Variants in PPP1R12A observed in about 807,000 individuals in gnomAD.
The protein encoded by PPP1R12A is myosin binding subunit.
A neutral mutation model predicts 139.6 loss-of-function variants in PPP1R12A; 19 were observed. The ratio of observed to expected loss-of-function variants is 0.14; its 90% CI spans 0.09 to 0.20. The LOEUF (loss-of-function observed/expected upper bound fraction) is 0.20, where lower values mean the gene tolerates loss of function less well. Ranked by LOEUF, PPP1R12A falls within the 10% of genes least tolerant of loss-of-function variation. The pLI, the probability that PPP1R12A is intolerant of heterozygous loss-of-function variation, is 1.00. For synonymous variants in PPP1R12A, 427 were observed against 420.6 expected, an observed-to-expected ratio of 1.02 and a Z score of -0.19; for missense variants, 925 against 1,211.5, an observed-to-expected ratio of 0.76 and a Z score of 3.51.
chr12:79,907,083 C>T (rs1886192091), intron 1 of PPP1R12A, among the ~76,000 whole-genome samples: 1 of 152,138 alleles, frequency 6.6e-6, no homozygotes, highest in South Asian at 2.1e-4. Context: ...TCTATCTCCC[C>T]TCACTCAAAA....
At chr12:79,860,125 A>G (rs1881152535) in intron 2 of PPP1R12A, among the ~76,000 whole-genome samples, 1 of 152,240 alleles carries the variant, frequency 6.6e-6, no homozygotes, top group Non-Finnish European at 1.5e-5. Flanking sequence ...GCTATTCAAG[A>G]TAAAAGCATG....
At chr12:79,794,056 G>A (rs1361736566) in intron 18 of PPP1R12A, 128 bp from the exon 19 acceptor site, 3 of 644,906 alleles carry the variant, frequency 4.7e-6, no homozygotes, top group Admixed American at 3.5e-5. Context: ...GATAGAATGA[G>A]ATGTCTAGGA....
chr12:79,805,529 AC>A, intron 14 of PPP1R12A, 62 bp downstream of exon 14: 1 of 1,498,412 alleles, frequency 6.7e-7, no homozygotes, highest in East Asian at 2.3e-5. Context: ...CTTTTTTAAA[AC>A]AAAAAACAAC....
At chr12:79,783,214 T>C (rs1228012292) in intron 22 of PPP1R12A, among the ~76,000 whole-genome samples, 3 of 151,316 alleles carry the variant, frequency 2.0e-5, no homozygotes, top group African/African-American at 7.3e-5. Context: ...TTCTAACACT[T>C]TGTGAGGCTG....
chr12:79,900,338 T>C (rs1335490118), intron 1 of PPP1R12A, among the ~76,000 whole-genome samples: 1 of 152,154 alleles, frequency 6.6e-6, no homozygotes, highest in Non-Finnish European at 1.5e-5. Flanking sequence ...TATAGAAACA[T>C]ACAGAGGCAG....
chr12:79,909,564 GTCT>G (rs1592814019), intron 1 of PPP1R12A, among the ~76,000 whole-genome samples: 1 of 151,914 alleles, frequency 6.6e-6, no homozygotes, highest in East Asian at 1.9e-4. Context: ...GTGAAACCCC[GTCT>G]CTACTAAAAA....
At chr12:79,890,769 T>C (rs552162496) in intron 1 of PPP1R12A, among the ~76,000 whole-genome samples, 13 of 152,150 alleles carry the variant, frequency 8.5e-5, no homozygotes, top group Admixed American at 1.3e-4. Flanking sequence ...AATAAACTCA[T>C]AGGCCATCAG....
intron 2 of PPP1R12A, among the ~76,000 whole-genome samples, chr12:79,850,893 A>G (rs972963513): frequency 6.6e-6 from 1 of 152,160 alleles, no homozygotes; most frequent in Non-Finnish European, 1.5e-5. Context: ...GCCTTCTGCC[A>G]TAATTCTAAG....
chr12:79,886,347 T>C (rs961466887), intron 1 of PPP1R12A, among the ~76,000 whole-genome samples: 5 of 152,186 alleles, frequency 3.3e-5, no homozygotes, highest in Admixed American at 3.3e-4. Context: ...GCCGTCTATA[T>C]TTAGTTATGA....
intron 1 of PPP1R12A, among the ~76,000 whole-genome samples, chr12:79,906,091 CA>C (rs1356747933): frequency 6.6e-5 from 10 of 151,804 alleles, no homozygotes; most frequent in African/African-American, 2.2e-4. Flanking sequence ...ATATTAGCAC[CA>C]AAGCAAGCAT....
Position 79,790,446 on chromosome 12 carries a change from TA to T in PPP1R12A, c.2666+20del. On this transcript the variant is annotated intron_variant, in intron 20 of 24. Coordinates refer to ENST00000450142, the MANE Select transcript of PPP1R12A (RefSeq NM_002480.3). ...ATAAAAATAAGAAAAAAATGTCAGT[TA>T]AAAAATAAATAAAACATACCTAGAA... The T allele has an allele frequency of 7.7e-7, 1 of 1,300,280 alleles. No individual in the cohort carries two copies. Among genetic ancestry groups the T allele is most frequent in the Non-Finnish European group, 1.0e-6 (1 of 963,604 alleles). The allele number at this position is 1,300,280 out of a possible 1,614,324, so 80.5% of individuals were successfully genotyped here. A position where few individuals can be genotyped will look rare whatever the true frequency, so the allele number is the denominator to read the frequency against.
intron 2 of PPP1R12A, among the ~76,000 whole-genome samples, chr12:79,859,350 G>GAAA (rs1881048664): frequency 2.7e-5 from 1 of 36,888 alleles, no homozygotes; most frequent in Admixed American, 2.9e-4. Context: ...AAAAAAAAAA[G>GAAA]AAAGAAAAAA....
intron 5 of PPP1R12A, among the ~76,000 whole-genome samples, chr12:79,824,614 C>G (rs2137125534): frequency 6.6e-6 from 1 of 152,272 alleles, no homozygotes; most frequent in South Asian, 2.1e-4. Context: ...GCACACTCAT[C>G]AACTTAACTC....
chr12:79,802,474 T>C (rs1402890897), intron 14 of PPP1R12A, among the ~76,000 whole-genome samples: 2 of 152,182 alleles, frequency 1.3e-5, no homozygotes, highest in African/African-American at 4.8e-5. Context: ...AATGTGATCG[T>C]TAATCTGGTT....
chr12:79,927,531 A>T (rs995971205), intron 1 of PPP1R12A, among the ~76,000 whole-genome samples: 1 of 152,208 alleles, frequency 6.6e-6, no homozygotes, highest in African/African-American at 2.4e-5. Context: ...TTTTCAGCTA[A>T]TTTACAGAGA....
intron 2 of PPP1R12A, among the ~76,000 whole-genome samples, chr12:79,863,327 T>C (rs572344127): frequency 1.3e-5 from 2 of 152,138 alleles, no homozygotes; most frequent in South Asian, 2.1e-4. Flanking sequence ...GCACTAAACA[T>C]GGAAAGGTAC....
intron 1 of PPP1R12A, among the ~76,000 whole-genome samples, chr12:79,907,404 A>C (rs1886218493): frequency 6.6e-6 from 1 of 152,204 alleles, no homozygotes; most frequent in Non-Finnish European, 1.5e-5. Context: ...TAAGAGATTT[A>C]GCCTATACTA....
intron 2 of PPP1R12A, among the ~76,000 whole-genome samples, chr12:79,862,025 C>T (rs575972763): frequency 1.1e-3 from 167 of 152,158 alleles, no homozygotes; most frequent in Non-Finnish European, 2.0e-3. Flanking sequence ...GGGTCCCCGA[C>T]CCCTGTGCAG....
At chr12:79,817,268 T>C in intron 9 of PPP1R12A, 126 bp downstream of exon 9, 2 of 881,616 alleles carry the variant, frequency 2.3e-6, no homozygotes, top group South Asian at 4.3e-5. Context: ...TAAATACATA[T>C]TTATATTCTG....
Sources: gnomAD v4.1 joint callset for allele counts (sites outside exome capture counted in the v4.1 genomes callset) on GRCh38, gnomAD v4.1.1 for gene constraint, MANE v1.5 for transcripts, NCBI Gene and HGNC (gene_info 2026-07-23, HGNC 2026-07-21) for gene names.